The following AP3B1 variants were observed in gnomAD, a reference collection of about 807,000 sequenced individuals.
AP3B1 encodes the protein adaptor related protein complex 3 subunit beta 1.
A neutral mutation model predicts 132.5 loss-of-function variants in AP3B1; 61 were observed. The observed-to-expected ratio is 0.46, with a 90% CI of 0.37 to 0.57. The LOEUF is 0.57. Ranked by LOEUF, AP3B1 falls within the 20% of genes least tolerant of loss-of-function variation. AP3B1 has a pLI of 0.00. For missense variants in AP3B1, 1,120 were observed against 1,289.4 expected (o/e 0.87, Z 2.01); for synonymous variants, 388 against 438.3 (o/e 0.89, Z 1.43).
chr5:78,034,750 G>A (rs1264674478), intron 23 of AP3B1, among the ~76,000 whole-genome samples: 2 of 151,892 alleles, frequency 1.3e-5, no homozygotes, highest in Non-Finnish European at 2.9e-5. Flanking sequence ...TATAGGTACT[G>A]AAAATGAGAA....
At chr5:78,172,502 G>C (rs1719766628) in intron 11 of AP3B1, among the ~76,000 whole-genome samples, 1 of 152,170 alleles carries the variant, frequency 6.6e-6, no homozygotes, top group Non-Finnish European at 1.5e-5. Flanking sequence ...ATTTCTTCTA[G>C]ATTTTCTAGT....
chr5:78,278,282 T>G (rs1036968548), intron 1 of AP3B1, among the ~76,000 whole-genome samples: 1 of 152,174 alleles, frequency 6.6e-6, no homozygotes, highest in Non-Finnish European at 1.5e-5. Flanking sequence ...ATGCAAAAAC[T>G]TATGTTGAAA....
chr5:78,098,227 C>A (rs1450187497), intron 21 of AP3B1, among the ~76,000 whole-genome samples: 4 of 151,390 alleles, frequency 2.6e-5, no homozygotes, highest in Non-Finnish European at 2.9e-5. Context: ...CACTATTGTC[C>A]TATGACCCTG....
At chr5:78,237,252 T>C (rs1451092878) in intron 3 of AP3B1, among the ~76,000 whole-genome samples, 2 of 152,296 alleles carry the variant, frequency 1.3e-5, no homozygotes, top group East Asian at 3.9e-4. Flanking sequence ...TCCCAGCACT[T>C]TGGGAGGCCA....
chr5:78,039,179 C>T lies in AP3B1; in HGVS notation c.2673G>A (p.Gln891=), dbSNP rs770455413. Residue 891 remains glutamine (Q), a synonymous_variant, in exon 23 of 27, where the codon CAG becomes CAA. Transcript: ENST00000255194. Reference sequence around the variant, plus strand: ...CCATCTTATCACCAAAAATGCAAGGCTGTCTTGGAAAGAAATAATGGGCAG... The same window carrying T: ...CCATCTTATCACCAAAAATGCAAGGTTGTCTTGGAAAGAAATAATGGGCAG... The part of the protein sequence containing the change: ...GLAAHYFFPR[Q]PCIFGDKMVS... 3 of 1,614,060 alleles carry T rather than the reference C, an allele frequency of 1.9e-6. No homozygotes were observed. The highest frequency in any genetic ancestry group is 1.1e-5 in the South Asian group (1 of 91,080).
In AP3B1 at chr5:78,275,336, G is replaced by T. The variant is rs548054190; in HGVS notation, c.129-7741C>A. On this transcript the variant is annotated intron_variant, in intron 1 of 26. Coordinates refer to ENST00000255194, the MANE Select transcript of AP3B1 (RefSeq NM_003664.5). ...AACAAATAAAAGCTGAAGATCTGCT[G>T]CCTGGACATAGGGTATCATTTCAAA... 2.0e-5 allele frequency among the ~76,000 whole-genome samples: 3 copies of T among 152,302 alleles called. No homozygotes were observed. In the South Asian group the frequency reaches 6.2e-4, roughly 32 times the overall value.
intron 15 of AP3B1, among the ~76,000 whole-genome samples, chr5:78,134,410 T>C (rs1161384334): frequency 5.3e-5 from 8 of 152,194 alleles, no homozygotes; most frequent in Admixed American, 4.6e-4. Context: ...TGGTTCTACA[T>C]TGCTGTTATT....
In AP3B1 at chr5:78,110,301, G is replaced by C; in HGVS notation, c.2303C>G (p.Ser768Ter). The change falls in exon 20 of 27, where the codon TCA becomes TGA. Residue 768 changes from serine to a stop codon, truncating the protein, a stop_gained. Transcript: ENST00000255194. LOFTEE classifies it high-confidence loss of function. ...ENEKSKTSDS[S>*]NDESSSIEDS... ...TTCTATTGAACTAGATTCGTCATTTGAAGAATCTGAAGTTTTAGATTTTTC... is the reference window on the plus strand; with the variant it reads ...TTCTATTGAACTAGATTCGTCATTTCAAGAATCTGAAGTTTTAGATTTTTC... 2 of 1,609,312 alleles carry C rather than the reference G, an allele frequency of 1.2e-6. No individual in the cohort carries two copies. The highest frequency in any genetic ancestry group is 1.7e-6 in the Non-Finnish European group (2 of 1,176,904).
At chr5:78,011,349 CTG>C (rs1746619914) in intron 26 of AP3B1, among the ~76,000 whole-genome samples, 1 of 152,044 alleles carries the variant, frequency 6.6e-6, no homozygotes. Flanking sequence ...CCCGGCCACT[CTG>C]TATATCTCAA....
At chr5:78,104,115 CA>C (rs1312562045) in intron 20 of AP3B1, among the ~76,000 whole-genome samples, 2 of 152,036 alleles carry the variant, frequency 1.3e-5, no homozygotes, top group Non-Finnish European at 2.9e-5. Flanking sequence ...TTGAAATCAA[CA>C]AGAAGTCAAA....
At chr5:78,213,918 C>T (rs886715983) in intron 7 of AP3B1, among the ~76,000 whole-genome samples, 3 of 152,166 alleles carry the variant, frequency 2.0e-5, no homozygotes, top group Non-Finnish European at 4.4e-5. Context: ...TCAAATTCAA[C>T]GCTGCATAAG....
intron 2 of AP3B1, among the ~76,000 whole-genome samples, chr5:78,241,676 A>G (rs1453542082): frequency 2.6e-5 from 4 of 152,156 alleles, no homozygotes; most frequent in Non-Finnish European, 5.9e-5. Context: ...ACACTGTTCT[A>G]CAATCTCTGA....
In AP3B1 at chr5:78,015,511, G is replaced by A; in HGVS notation, c.3030C>T (p.Ile1010=). 6.2e-7 allele frequency: 1 copy of A among 1,612,740 alleles called. No individual in the cohort carries two copies. Among genetic ancestry groups the A allele is most frequent in the Non-Finnish European group, 8.5e-7 (1 of 1,179,806 alleles). ...GAGTGAAATTCTGTGGTGCAGCAAT[G>A]ATTACAGCAGAAGTTTCATTCATTC... ...LTGMNETSAV[I]IAAPQNFTPS... Residue 1010 remains isoleucine, a synonymous_variant, in exon 26 of 27, where the codon ATC becomes ATT. Coordinates refer to ENST00000255194, the MANE Select transcript of AP3B1 (RefSeq NM_003664.5).
At chr5:78,071,068 A>T (rs1749519306) in intron 22 of AP3B1, among the ~76,000 whole-genome samples, 1 of 152,234 alleles carries the variant, frequency 6.6e-6, no homozygotes, top group African/African-American at 2.4e-5. Flanking sequence ...GTATATACCC[A>T]AAGGAATACA....
intron 15 of AP3B1, among the ~76,000 whole-genome samples, chr5:78,129,616 C>T (rs760861117): frequency 1.3e-4 from 20 of 151,934 alleles, no homozygotes; most frequent in African/African-American, 4.3e-4. Context: ...AAGGGGTCTA[C>T]GTGAGAATAA....
chr5:78,094,921 T>C (rs920760656), intron 21 of AP3B1, among the ~76,000 whole-genome samples: 4 of 152,148 alleles, frequency 2.6e-5, no homozygotes, highest in Non-Finnish European at 4.4e-5. Flanking sequence ...CCTCAGGTGA[T>C]CTGCCCGCCT....
intron 11 of AP3B1, among the ~76,000 whole-genome samples, chr5:78,166,163 AC>A (rs1254195029): frequency 4.3e-4 from 47 of 108,868 alleles, no homozygotes; most frequent in Admixed American, 1.7e-3. Context: ...ACACACACAC[AC>A]ACACACACAA....
At chr5:78,063,931 TAATTAACACTAGGTGGAA>T (rs1405379239) in intron 22 of AP3B1, among the ~76,000 whole-genome samples, 1 of 152,100 alleles carries the variant, frequency 6.6e-6, no homozygotes, top group Admixed American at 6.5e-5. Context: ...GTCAACTTTC[TAATTAACACTAGGTGGAA>T]AAGGAGTTTT....
chr5:78,134,402 G>A (rs988901197), intron 15 of AP3B1, among the ~76,000 whole-genome samples: 2 of 152,020 alleles, frequency 1.3e-5, no homozygotes, highest in Non-Finnish European at 2.9e-5. Flanking sequence ...ATTTATATTG[G>A]TTCTACATTG....
Sources: gnomAD v4.1 joint callset for allele counts (sites outside exome capture counted in the v4.1 genomes callset) on GRCh38, gnomAD v4.1.1 for gene constraint, MANE v1.5 for transcripts, NCBI Gene and HGNC (gene_info 2026-07-23, HGNC 2026-07-21) for gene names.